The following KLHL1 variants were observed in gnomAD, a reference collection of about 807,000 sequenced individuals.
KLHL1 encodes kelch like family member 1.
KLHL1 carries 47 observed loss-of-function variants against 77.7 expected under a neutral mutation model. The ratio of observed to expected loss-of-function variants is 0.60; its 90% confidence interval spans 0.48 to 0.77. The LOEUF is 0.77. Ranked by LOEUF, KLHL1 falls within the 30% of genes least tolerant of loss-of-function variation. The pLI, the probability that KLHL1 is intolerant of heterozygous loss-of-function variation, is 0.00. For missense variants in KLHL1, 925 were observed against 910.8 expected (o/e 1.02, Z -0.20); for synonymous variants, 360 against 325.2 (o/e 1.11, Z -1.15).
chr13:69,717,358 A>G (rs752682085), intron 9 of KLHL1, among the ~76,000 whole-genome samples: 8 of 152,140 alleles, frequency 5.3e-5, no homozygotes, highest in Non-Finnish European at 1.2e-4. Flanking sequence ...TGAAATCATC[A>G]ATATAGAAAA....
intron 4 of KLHL1, among the ~76,000 whole-genome samples, chr13:69,916,906 T>C (rs4884865): frequency 0.46 from 69,953 of 151,706 alleles, 16,805 homozygotes; most frequent in East Asian, 0.62. Flanking sequence ...TTAGAAGCCA[T>C]ATACACAATA....
chr13:69,948,279 A>G (rs1197047071), intron 3 of KLHL1, among the ~76,000 whole-genome samples: 1 of 152,034 alleles, frequency 6.6e-6, no homozygotes, highest in Non-Finnish European at 1.5e-5. Context: ...GTAGCAGAAG[A>G]GTAACTATTT....
chr13:69,883,520 G>A (rs1881080025), intron 4 of KLHL1, among the ~76,000 whole-genome samples: 2 of 152,184 alleles, frequency 1.3e-5, no homozygotes, highest in Admixed American at 6.5e-5. Context: ...TGTAGTGGGT[G>A]TATCCCTGCC....
chr13:70,092,573 A>C (rs1225050875), intron 1 of KLHL1, among the ~76,000 whole-genome samples: 2 of 152,166 alleles, frequency 1.3e-5, no homozygotes, highest in East Asian at 1.9e-4. Context: ...TTAATGAAAA[A>C]TAGCACTTGA....
At position 69,839,165 on chromosome 13, in the gene KLHL1, G is replaced by A; in HGVS notation, c.1228-3C>T. The A allele has an allele frequency of 2.5e-6, 4 of 1,574,874 alleles. No homozygotes were observed. The highest frequency in any genetic ancestry group is 3.5e-6 in the Non-Finnish European group (4 of 1,152,840). ...TGATTTTCTAGGTCAGCCAATATCTGTGAATAATACACAATAGCTGTTAAT... is the reference window on the plus strand; with the variant it reads ...TGATTTTCTAGGTCAGCCAATATCTATGAATAATACACAATAGCTGTTAAT... On this transcript the variant is annotated splice_polypyrimidine_tract_variant and splice_region_variant and intron_variant, in intron 5 of 10. Coordinates refer to ENST00000377844, the MANE Select transcript of KLHL1 (RefSeq NM_020866.3).
chr13:69,885,243 CTTTT>C (rs1216656937), intron 4 of KLHL1, among the ~76,000 whole-genome samples: 5 of 152,086 alleles, frequency 3.3e-5, no homozygotes, highest in African/African-American at 1.2e-4. Flanking sequence ...CCCGGCCCTT[CTTTT>C]CTTTTTATCT....
At chr13:69,821,143 G>A (rs1291958156) in intron 6 of KLHL1, among the ~76,000 whole-genome samples, 1 of 151,790 alleles carries the variant, frequency 6.6e-6, no homozygotes, top group South Asian at 2.1e-4. Context: ...TATAATGTAC[G>A]AACTGTTCTT....
At chr13:69,974,026 T>C (rs564622662) in intron 2 of KLHL1, among the ~76,000 whole-genome samples, 1 of 152,054 alleles carries the variant, frequency 6.6e-6, no homozygotes, top group East Asian at 1.9e-4. Context: ...CTGGTCTTCT[T>C]TAGGTGGGTC....
At chr13:69,904,430 T>G (rs1383946460) in intron 4 of KLHL1, among the ~76,000 whole-genome samples, 1 of 152,182 alleles carries the variant, frequency 6.6e-6, no homozygotes, top group Admixed American at 6.5e-5. Flanking sequence ...TCATTTCTCC[T>G]GTCAAAGCAA....
At chr13:70,096,503 G>A (rs1887792492) in intron 1 of KLHL1, among the ~76,000 whole-genome samples, 1 of 151,960 alleles carries the variant, frequency 6.6e-6, no homozygotes, top group Non-Finnish European at 1.5e-5. Context: ...TTTTGAAAAT[G>A]TCTATTGATA....
At chr13:70,029,305 A>T (rs1487380117) in intron 1 of KLHL1, among the ~76,000 whole-genome samples, 2 of 152,176 alleles carry the variant, frequency 1.3e-5, no homozygotes, top group East Asian at 3.9e-4. Context: ...TTTCTATGGC[A>T]TTGAAAAGGC....
intron 1 of KLHL1, among the ~76,000 whole-genome samples, chr13:69,985,712 G>A (rs1884844987): frequency 6.7e-6 from 1 of 148,934 alleles, no homozygotes; most frequent in African/African-American, 2.4e-5. Context: ...ATTAACAATA[G>A]ACAAAATTGC....
chr13:69,826,942 A>G (rs946839440), intron 6 of KLHL1, among the ~76,000 whole-genome samples: 1 of 151,670 alleles, frequency 6.6e-6, no homozygotes, highest in Admixed American at 6.6e-5. Flanking sequence ...TTTCTAGACA[A>G]ATGAATTTTG....
intron 2 of KLHL1, among the ~76,000 whole-genome samples, chr13:69,966,007 A>T (rs1181145951): frequency 1.3e-5 from 2 of 152,152 alleles, no homozygotes; most frequent in Non-Finnish European, 2.9e-5. Flanking sequence ...GTGAAGCAGC[A>T]AGTGGGTTGG....
At chr13:69,965,395 C>T (rs1219742009) in intron 2 of KLHL1, among the ~76,000 whole-genome samples, 1 of 152,124 alleles carries the variant, frequency 6.6e-6, no homozygotes, top group Non-Finnish European at 1.5e-5. Context: ...TTGGCGGTGT[C>T]ATAAACTATA....
intron 4 of KLHL1, among the ~76,000 whole-genome samples, chr13:69,895,658 G>T (rs1261921958): frequency 6.6e-6 from 1 of 151,660 alleles, no homozygotes; most frequent in Non-Finnish European, 1.5e-5. Flanking sequence ...CAAGATGCTG[G>T]CAAGGTTCCT....
chr13:69,908,688 A>G (rs1882125963), intron 4 of KLHL1, among the ~76,000 whole-genome samples: 1 of 151,626 alleles, frequency 6.6e-6, no homozygotes, highest in Non-Finnish European at 1.5e-5. Context: ...ATGAATTTCC[A>G]TAGCTTATGT....
chr13:69,973,759 T>G (rs1008502230), intron 2 of KLHL1, among the ~76,000 whole-genome samples: 2 of 152,078 alleles, frequency 1.3e-5, no homozygotes, highest in African/African-American at 4.8e-5. Flanking sequence ...TTATTAATAT[T>G]TGTTTAACTT....
At chr13:69,788,934 C>T (rs1185739653) in intron 7 of KLHL1, among the ~76,000 whole-genome samples, 2 of 152,082 alleles carry the variant, frequency 1.3e-5, no homozygotes, top group Non-Finnish European at 2.9e-5. Context: ...ACAAAAATGA[C>T]AGTCATAGTT....
Sources: allele counts gnomAD v4.1 joint callset (sites outside exome capture counted in the v4.1 genomes callset), GRCh38; gene constraint gnomAD v4.1.1; transcripts MANE v1.5; gene names NCBI Gene and HGNC (gene_info 2026-07-23, HGNC 2026-07-21).